The following BAD variants were observed in gnomAD, a reference collection of about 807,000 sequenced individuals.
BAD encodes BCL2 associated agonist of cell death.
BAD carries 18 observed loss-of-function variants against 17.8 expected under a neutral mutation model. The ratio of observed to expected loss-of-function variants is 1.01; its 90% CI spans 0.70 to 1.50. The LOEUF is 1.50. Ranked by LOEUF, BAD falls within the 40% of genes most tolerant of loss-of-function variation. BAD has a pLI of 0.00. For synonymous variants in BAD, 112 were observed against 91.5 expected, an observed-to-expected ratio of 1.22 and a Z score of -1.28; for missense variants, 294 against 239.3, an observed-to-expected ratio of 1.23 and a Z score of -1.51.
At position 64,270,234 on chromosome 11, in the gene BAD, CT is replaced by C; in HGVS notation, c.481del (p.Arg161GlyfsTer28). 1 of 1,612,728 alleles carries C rather than the reference CT, an allele frequency of 6.2e-7. No homozygotes were observed. The highest frequency in any genetic ancestry group is 8.5e-7 in the Non-Finnish European group (1 of 1,179,038). ...FQSWWDRNLG[R>X]GSSAPSQ ...TCACTGGGAGGGGGCGGAGCTTCCC[CT>C]GCCCAAGTTCCGATCCCACCAGGAC... On this transcript the variant is annotated frameshift_variant, in exon 4 of 4. Transcript: ENST00000309032. LOFTEE classifies it high-confidence loss of function.
At chr11:64,273,975 A>G (rs2032845386) in intron 2 of BAD, among the ~76,000 whole-genome samples, 1 of 152,048 alleles carries the variant, frequency 6.6e-6, no homozygotes, top group South Asian at 2.1e-4. Flanking sequence ...CAGGAACTGA[A>G]GGCGGGGGAT....
chr11:64,272,882 G>A (rs903880534), intron 2 of BAD: 2 of 152,196 alleles, frequency 1.3e-5, no homozygotes, highest in African/African-American at 4.8e-5. Flanking sequence ...GATAATCCTA[G>A]CCCTGACTCC....
At position 64,281,468 on chromosome 11, in the gene BAD, C is replaced by T. The variant is rs551231599; in HGVS notation, c.187+2714G>A. Among the ~76,000 whole-genome samples, 580 of 152,354 alleles carry T rather than the reference C, an allele frequency of 3.8e-3. 4 individuals carry two copies. Among genetic ancestry groups the T allele is most frequent in the Non-Finnish European group, 6.1e-3 (415 of 68,036 alleles). On this transcript the variant is annotated intron_variant, in intron 2 of 3. Coordinates refer to ENST00000309032, the MANE Select transcript of BAD (RefSeq NM_032989.3). Reference sequence around the variant, plus strand: ...TGCTCAAATCCTTTCCAGGTTTTTACTCAAAGGCAATGCCAGAGTCCTTAG... The same window carrying T: ...TGCTCAAATCCTTTCCAGGTTTTTATTCAAAGGCAATGCCAGAGTCCTTAG...
At position 64,284,206 on chromosome 11, in the gene BAD, G is replaced by T; in HGVS notation, c.163C>A (p.Pro55Thr). 1 of 1,601,972 alleles carries T rather than the reference G, an allele frequency of 6.2e-7. No homozygotes were observed. Among genetic ancestry groups the T allele is most frequent in the Non-Finnish European group, 8.5e-7 (1 of 1,173,988 alleles). ...LWDASHQQEQ[P>T]TSSSHHGGAG... ...CCTCCATGATGGCTGCTGCTGGTTG[G>T]CTGCTCCTGCTGGTGACTGGCGTCC... Residue 55 changes from proline (P) to threonine (T), a missense_variant, in exon 2 of 4, where the codon CCA becomes ACA. Pro to Thr is a conservative substitution (Grantham distance 38). Coordinates refer to ENST00000309032, the MANE Select transcript of BAD (RefSeq NM_032989.3).
At chr11:64,271,906 G>C in intron 2 of BAD, 103 bp from the exon 3 acceptor site, 1 of 995,150 alleles carries the variant, frequency 1.0e-6, no homozygotes, top group Non-Finnish European at 1.3e-6. Flanking sequence ...CCACTCGTGG[G>C]TCTTCCAGGG....
intron 2 of BAD, among the ~76,000 whole-genome samples, chr11:64,274,560 C>G (rs1271617291): frequency 6.6e-6 from 1 of 151,862 alleles, no homozygotes; most frequent in Admixed American, 6.5e-5. Flanking sequence ...TGGTGGCTCA[C>G]GCCTGTAATC....
At chr11:64,278,728 G>A (rs184569482) in intron 2 of BAD, among the ~76,000 whole-genome samples, 1 of 152,338 alleles carries the variant, frequency 6.6e-6, no homozygotes, top group Admixed American at 6.5e-5. Context: ...TGGGCTGTGT[G>A]GGCTGTCACA....
At position 64,270,030 on chromosome 11, in the gene BAD, G is replaced by T; in HGVS notation, c.*179C>A. The T allele has an allele frequency of 8.2e-7, 1 of 1,218,114 alleles. No homozygotes were observed. The highest frequency in any genetic ancestry group is 1.3e-5 in the South Asian group (1 of 74,450). The allele number at this position is 1,218,114 out of a possible 1,614,324, so 75.5% of individuals were successfully genotyped here. A position where few individuals can be genotyped will look rare whatever the true frequency, so the allele number is the denominator to read the frequency against. ...GGGCGGAAAACCCAAAACTTCCGAT[G>T]GGACCAAGCCTTCCGTGGCTTCACA... On this transcript the variant is annotated 3_prime_UTR_variant, in exon 4 of 4. Coordinates refer to ENST00000309032, the MANE Select transcript of BAD (RefSeq NM_032989.3).
chr11:64,282,828 G>A (rs1180528691), intron 2 of BAD, among the ~76,000 whole-genome samples: 3 of 149,624 alleles, frequency 2.0e-5, no homozygotes, highest in East Asian at 3.9e-4. Flanking sequence ...GCAGTGAGCC[G>A]AGATTGCACC....
At chr11:64,276,942 C>T (rs1208420607) in intron 2 of BAD, 9 of 759,040 alleles carry the variant, frequency 1.2e-5, no homozygotes, top group Non-Finnish European at 2.2e-5. Flanking sequence ...GCTTCTGAGT[C>T]AGCGGCTGGG....
rs2032625391 is a variant in BAD, at chr11:64,271,684, T to TG, written c.306dup (p.Asn103GlnfsTer17). ...CCATAGCGCTGTGCTGCCCAGAGGT[T>TG]GGGGGGCGCCGAGCGCGAGCGGCCC... On this transcript the variant is annotated frameshift_variant, in exon 3 of 4. Coordinates refer to ENST00000309032, the MANE Select transcript of BAD (RefSeq NM_032989.3). LOFTEE classifies it high-confidence loss of function. The TG allele has an allele frequency of 4.7e-6, 7 of 1,481,698 alleles. No homozygotes were observed. Among genetic ancestry groups the TG allele is most frequent in the South Asian group, 1.3e-5 (1 of 76,290 alleles). 91.8% of individuals were successfully genotyped at this position (1,481,698 alleles called of 1,614,324 possible).
rs778843013 is a variant in BAD, at chr11:64,270,242, G to A, written c.474C>T (p.Asn158=). Reference sequence around the variant, plus strand: ...AGGGGGCGGAGCTTCCCCTGCCCAAGTTCCGATCCCACCAGGACTGGAAGA... The same window carrying A: ...AGGGGGCGGAGCTTCCCCTGCCCAAATTCCGATCCCACCAGGACTGGAAGA... ...TRVFQSWWDR[N]LGRGSSAPSQ The change falls in exon 4 of 4, where the codon AAC becomes AAT. Residue 158 remains asparagine, a synonymous_variant. Coordinates refer to ENST00000309032, the MANE Select transcript of BAD (RefSeq NM_032989.3). The A allele has an allele frequency of 8.7e-6, 14 of 1,612,028 alleles. No individual in the cohort carries two copies. The African/African-American group carries it at 1.6e-4, about 18-fold the overall frequency.
intron 2 of BAD, among the ~76,000 whole-genome samples, chr11:64,282,206 C>T (rs969818511): frequency 1.3e-5 from 2 of 152,200 alleles, no homozygotes; most frequent in Non-Finnish European, 2.9e-5. Context: ...ACGGTGAGCA[C>T]TCACTGTGTG....
chr11:64,271,533 G>C, intron 3 of BAD, 80 bp downstream of exon 3: 1 of 1,326,750 alleles, frequency 7.5e-7, no homozygotes, highest in African/African-American at 1.5e-5. Flanking sequence ...ATCCGGGCGT[G>C]CCTTGGGACA....
At chr11:64,277,064 C>CA (rs1460292591) in intron 2 of BAD, 1 of 704,106 alleles carries the variant, frequency 1.4e-6, no homozygotes, top group African/African-American at 1.8e-5. Flanking sequence ...GATGAGGAAA[C>CA]AGAGGCACAC....
chr11:64,274,560 C>T (rs1271617291), intron 2 of BAD, among the ~76,000 whole-genome samples: 3 of 151,862 alleles, frequency 2.0e-5, no homozygotes, highest in Non-Finnish European at 2.9e-5. Flanking sequence ...TGGTGGCTCA[C>T]GCCTGTAATC....
intron 2 of BAD, among the ~76,000 whole-genome samples, chr11:64,283,142 G>C (rs188283610): frequency 6.6e-6 from 1 of 152,210 alleles, no homozygotes; most frequent in East Asian, 1.9e-4. Flanking sequence ...CCGTAAGAGA[G>C]CGAGGGGAAA....
chr11:64,278,421 C>T (rs1213732087), intron 2 of BAD, among the ~76,000 whole-genome samples: 2 of 149,720 alleles, frequency 1.3e-5, no homozygotes, highest in African/African-American at 2.4e-5. Flanking sequence ...TAAATAATAA[C>T]AATGGCAGTT....
In BAD at chr11:64,284,318, A is replaced by G. The variant is rs1395203771; in HGVS notation, c.51T>C (p.Ser17=). 3 of 1,612,624 alleles carry G rather than the reference A, an allele frequency of 1.9e-6. No individual in the cohort carries two copies. Among genetic ancestry groups the G allele is most frequent in the East Asian group, 4.5e-5 (2 of 44,882 alleles). ...FEPSEQEDSS[S]AERGLGPSPA... is the part of the protein sequence containing the mutation. ...GGCTGGGGCCCAGGCCCCTCTCTGC[A>G]GAGCTGGAGTCTTCCTGCTCACTCG... The change falls in exon 2 of 4, where the codon TCT becomes TCC. Residue 17 remains serine, a synonymous_variant. Coordinates refer to ENST00000309032, the MANE Select transcript of BAD (RefSeq NM_032989.3).
Sources: gnomAD v4.1 joint callset for allele counts (sites outside exome capture counted in the v4.1 genomes callset) on GRCh38, gnomAD v4.1.1 for gene constraint, MANE v1.5 for transcripts, NCBI Gene and HGNC (gene_info 2026-07-23, HGNC 2026-07-21) for gene names.